LRRIQ3: variants seen among roughly 807,000 people sequenced by gnomAD.
LRRIQ3 encodes leucine rich repeats and IQ motif containing 3.
A neutral mutation model predicts 59.3 loss-of-function variants in LRRIQ3; 75 were observed. The observed-to-expected ratio is 1.26, with a 90% CI of 1.05 to 1.53. LRRIQ3 has a LOEUF of 1.53. Among genes scored for constraint, LRRIQ3 ranks in the 40% most tolerant of loss-of-function variants. The pLI, the probability that LRRIQ3 is intolerant of heterozygous loss-of-function variation, is 0.00. For missense variants in LRRIQ3, 831 were observed against 710.0 expected (o/e 1.17, Z -1.94); for synonymous variants, 250 against 231.3 (o/e 1.08, Z -0.73).
chr1:74,194,938 C>T (rs761391586), intron 1 of LRRIQ3, among the ~76,000 whole-genome samples: 9 of 152,062 alleles, frequency 5.9e-5, no homozygotes, highest in African/African-American at 1.7e-4. Flanking sequence ...TTCCCCTCCC[C>T]GAAACCTCAT....
chr1:74,120,798 T>C (rs574828418), intron 4 of LRRIQ3, among the ~76,000 whole-genome samples: 1 of 152,154 alleles, frequency 6.6e-6, no homozygotes, highest in South Asian at 2.1e-4. Context: ...TTAAGTTACT[T>C]TTCGGGCACT....
intron 1 of LRRIQ3, among the ~76,000 whole-genome samples, chr1:74,192,732 A>G (rs1166105916): frequency 1.3e-5 from 2 of 152,156 alleles, no homozygotes; most frequent in African/African-American, 2.4e-5. Context: ...TGCTATTAAA[A>G]GGAAAGATTA....
intron 4 of LRRIQ3, among the ~76,000 whole-genome samples, chr1:74,135,866 A>ACACTTT (rs1647113542): frequency 6.6e-6 from 1 of 151,938 alleles, no homozygotes; most frequent in Non-Finnish European, 1.5e-5. Flanking sequence ...AAGGAATCTC[A>ACACTTT]TAGCAAGCAA....
intron 6 of LRRIQ3, among the ~76,000 whole-genome samples, chr1:74,066,177 ACT>A (rs577554385): frequency 1.3e-3 from 185 of 143,870 alleles, no homozygotes; most frequent in African/African-American, 4.6e-3. Flanking sequence ...GAAGAGAGAA[ACT>A]CTGTCTCGAA....
chr1:74,055,211 T>TATATAC (rs1491233534), intron 6 of LRRIQ3, among the ~76,000 whole-genome samples: 9 of 127,664 alleles, frequency 7.0e-5, no homozygotes, highest in African/African-American at 2.5e-4. Flanking sequence ...TATATATATA[T>TATATAC]ACACACACAT....
chr1:74,124,173 G>A (rs531777152), intron 4 of LRRIQ3, among the ~76,000 whole-genome samples: 9 of 152,034 alleles, frequency 5.9e-5, no homozygotes, highest in African/African-American at 2.2e-4. Flanking sequence ...CTTTTGAGAA[G>A]TGTTCATTCA....
intron 5 of LRRIQ3, among the ~76,000 whole-genome samples, chr1:74,092,280 T>A (rs181413924): frequency 1.1e-3 from 167 of 152,232 alleles, no homozygotes; most frequent in Non-Finnish European, 1.9e-3. Flanking sequence ...ACTGTATACC[T>A]CTGGAGTTTT....
At chr1:74,143,969 A>G (rs1647393357) in intron 4 of LRRIQ3, among the ~76,000 whole-genome samples, 1 of 151,904 alleles carries the variant, frequency 6.6e-6, no homozygotes, top group South Asian at 2.1e-4. Flanking sequence ...TATTTTGAGT[A>G]TTATAATAAT....
intron 4 of LRRIQ3, among the ~76,000 whole-genome samples, chr1:74,148,894 C>T (rs1376760290): frequency 1.3e-5 from 2 of 152,110 alleles, no homozygotes; most frequent in African/African-American, 4.8e-5. Flanking sequence ...CAAGTGAGGA[C>T]ACAATTGGCT....
chr1:74,101,032 T>C (rs1489336397), intron 5 of LRRIQ3, among the ~76,000 whole-genome samples: 1 of 152,036 alleles, frequency 6.6e-6, no homozygotes, highest in African/African-American at 2.4e-5. Context: ...CCAAAACCAA[T>C]GGCAACAAAA....
intron 4 of LRRIQ3, among the ~76,000 whole-genome samples, chr1:74,134,525 CTTAATATCT>C (rs1647087712): frequency 6.6e-6 from 1 of 151,866 alleles, no homozygotes; most frequent in Non-Finnish European, 1.5e-5. Context: ...ATTCCCTCCT[CTTAATATCT>C]TTAAAAGCAA....
intron 6 of LRRIQ3, among the ~76,000 whole-genome samples, chr1:74,074,364 C>T (rs1646177077): frequency 6.6e-6 from 1 of 152,098 alleles, no homozygotes; most frequent in Non-Finnish European, 1.5e-5. Flanking sequence ...AACCAACACA[C>T]AGATCAAGAA....
intron 7 of LRRIQ3, among the ~76,000 whole-genome samples, chr1:74,031,706 A>T (rs1653723958): frequency 6.6e-6 from 1 of 152,128 alleles, no homozygotes; most frequent in South Asian, 2.1e-4. Context: ...GCACATGTAT[A>T]CATATGTAAC....
chr1:74,040,464 C>G (rs1654010404), intron 7 of LRRIQ3, among the ~76,000 whole-genome samples: 1 of 152,182 alleles, frequency 6.6e-6, no homozygotes, highest in Admixed American at 6.5e-5. Context: ...ACAGAATTCT[C>G]TACACCAAAT....
intron 3 of LRRIQ3, among the ~76,000 whole-genome samples, chr1:74,175,424 C>T (rs1649581985): frequency 6.6e-6 from 1 of 152,098 alleles, no homozygotes; most frequent in African/African-American, 2.4e-5. Flanking sequence ...GATAGAAGTG[C>T]ACTTCTCAGG....
At chr1:74,155,573 A>G (rs1648269174) in intron 4 of LRRIQ3, 160 bp downstream of exon 4, 2 of 501,248 alleles carry the variant, frequency 4.0e-6, no homozygotes, top group Non-Finnish European at 6.9e-6. Context: ...TTATATTACT[A>G]TAGAGTCTGT....
intron 7 of LRRIQ3, among the ~76,000 whole-genome samples, chr1:74,030,911 A>C: frequency 6.6e-6 from 1 of 152,310 alleles, no homozygotes; most frequent in Admixed American, 6.5e-5. Flanking sequence ...AAACAAATTT[A>C]CAAGAAAATA....
chr1:74,089,223 G>T (rs889524920), intron 5 of LRRIQ3, among the ~76,000 whole-genome samples: 6 of 151,998 alleles, frequency 3.9e-5, no homozygotes, highest in Admixed American at 3.3e-4. Flanking sequence ...ATGCAAAATG[G>T]TACAACTGCT....
chr1:74,154,877 C>T (rs1161032080), intron 4 of LRRIQ3, among the ~76,000 whole-genome samples: 3 of 152,132 alleles, frequency 2.0e-5, no homozygotes, highest in Non-Finnish European at 4.4e-5. Flanking sequence ...CCTCAGAAGT[C>T]GGAGGCACTG....
Sources: allele counts gnomAD v4.1 joint callset (sites outside exome capture counted in the v4.1 genomes callset), GRCh38; gene constraint gnomAD v4.1.1; transcripts MANE v1.5; gene names NCBI Gene and HGNC (gene_info 2026-07-23, HGNC 2026-07-21).